The following ZNF215 variants were observed in gnomAD, a reference collection of about 807,000 sequenced individuals.
ZNF215 encodes BWSCR2-associated zinc finger protein 2.
ZNF215 carries 24 observed loss-of-function variants against 27.2 expected under a neutral mutation model. The observed-to-expected ratio is 0.88, with a 90% CI of 0.64 to 1.24. The LOEUF (loss-of-function observed/expected upper bound fraction) is 1.24. Among genes scored for constraint, ZNF215 ranks in the 50% most tolerant of loss-of-function variants. The pLI is 0.00. For missense variants in ZNF215, 675 were observed against 605.7 expected, an observed-to-expected ratio of 1.11 and a Z score of -1.20; for synonymous variants, 210 against 204.0, an observed-to-expected ratio of 1.03 and a Z score of -0.25.
At chr11:6,945,134 T>C (rs552844838) in intron 6 of ZNF215, among the ~76,000 whole-genome samples, 1 of 152,220 alleles carries the variant, frequency 6.6e-6, no homozygotes, top group Non-Finnish European at 1.5e-5. Flanking sequence ...ATTATCTCTT[T>C]ATCATCATCC....
chr11:6,942,946 TCAAA>T (rs1262077729), intron 4 of ZNF215, 133 bp from the exon 5 acceptor site: 7 of 1,338,034 alleles, frequency 5.2e-6, no homozygotes, highest in Non-Finnish European at 5.1e-6. Flanking sequence ...ACTTAGAACC[TCAAA>T]CATTGTCCTC....
intron 5 of ZNF215, among the ~76,000 whole-genome samples, chr11:6,971,739 G>T (rs1232001815): frequency 6.6e-6 from 1 of 152,070 alleles, no homozygotes; most frequent in Non-Finnish European, 1.5e-5. Flanking sequence ...GATACTATAA[G>T]TTCACACATT....
Position 6,955,623 on chromosome 11 carries a change from G to T in ZNF215, c.713-67G>T, listed in dbSNP as rs1196101743. On this transcript the variant is annotated intron_variant, in intron 6 of 6. Coordinates refer to ENST00000278319, the MANE Select transcript of ZNF215 (RefSeq NM_013250.4). ...GTGGTATATGCATATACCTTATACA[G>T]TTCAGCCTCCATTTCCTATTGAAGC... 6 of 1,509,376 alleles carry T rather than the reference G, an allele frequency of 4.0e-6. No individual in the cohort carries two copies. The African/African-American group carries it at 4.2e-5, about 11-fold the overall frequency. The allele number at this position is 1,509,376 out of a possible 1,614,324, so 93.5% of individuals were successfully genotyped here.
chr11:6,990,204 C>G (rs188594005), downstream of ZNF215, among the ~76,000 whole-genome samples: 744 of 152,258 alleles, frequency 4.9e-3, 27 homozygotes, highest in Admixed American at 0.043. Flanking sequence ...CCATGTGTAT[C>G]AGGCAGCAAG....
chr11:6,970,135 CAATT>C (rs796209736), intron 5 of ZNF215, among the ~76,000 whole-genome samples: 5 of 152,186 alleles, frequency 3.3e-5, no homozygotes, highest in African/African-American at 1.2e-4. Context: ...CTTGTTAAAA[CAATT>C]AAACCTCAAT....
intron 3 of ZNF215, among the ~76,000 whole-genome samples, chr11:6,940,343 C>A (rs1302591697): frequency 2.0e-5 from 3 of 152,196 alleles, no homozygotes; most frequent in African/African-American, 7.2e-5. Flanking sequence ...CTCATTCTGT[C>A]ACCAGGGCTG....
At chr11:6,950,994 G>A (rs1260306140) in intron 6 of ZNF215, among the ~76,000 whole-genome samples, 2 of 152,076 alleles carry the variant, frequency 1.3e-5, no homozygotes, top group Non-Finnish European at 2.9e-5. Flanking sequence ...AGATAATCAT[G>A]TGGTTTTTGT....
At chr11:6,941,227 C>G (rs578152341) in intron 3 of ZNF215, among the ~76,000 whole-genome samples, 2 of 152,258 alleles carry the variant, frequency 1.3e-5, no homozygotes, top group African/African-American at 4.8e-5. Flanking sequence ...AGAATTACAG[C>G]CTGTGATGGC....
chr11:6,951,931 G>C (rs553050276), intron 6 of ZNF215, among the ~76,000 whole-genome samples: 1 of 152,086 alleles, frequency 6.6e-6, no homozygotes, highest in East Asian at 1.9e-4. Flanking sequence ...CTGGTATGTT[G>C]TGTCTTTGTT....
At chr11:6,943,005 ATTCC>A in intron 4 of ZNF215, 74 bp from the exon 5 acceptor site, 2 of 1,551,922 alleles carry the variant, frequency 1.3e-6, no homozygotes, top group African/African-American at 1.4e-5. Context: ...CTCCTACCCT[ATTCC>A]TTCAAATCCA....
rs377556573 is a variant in ZNF215, at chr11:6,932,238, G to T, written c.-35G>T. On this transcript the variant is annotated 5_prime_UTR_variant, in exon 3 of 7. Transcript: ENST00000278319. ...GAGAATTACTGCAATCTAGTAAGGCGGATTTGAACTACTGTGGGAGTTCTA... is the reference window on the plus strand; with the variant it reads ...GAGAATTACTGCAATCTAGTAAGGCTGATTTGAACTACTGTGGGAGTTCTA... 150 of 1,593,850 alleles carry T rather than the reference G, an allele frequency of 9.4e-5. No homozygotes were observed. Among genetic ancestry groups the T allele is most frequent in the Non-Finnish European group, 1.3e-4 (148 of 1,169,950 alleles).
intron 5 of ZNF215, among the ~76,000 whole-genome samples, chr11:6,966,238 T>G (rs1387590156): frequency 6.6e-6 from 1 of 152,096 alleles, no homozygotes; most frequent in Non-Finnish European, 1.5e-5. Flanking sequence ...GCCATAATCC[T>G]AAGCAAATTA....
intron 4 of ZNF215, 148 bp from the exon 5 acceptor site, chr11:6,942,935 C>A: frequency 8.2e-7 from 1 of 1,221,926 alleles, no homozygotes; most frequent in Non-Finnish European, 1.1e-6. Context: ...TGATTTTCAT[C>A]ACTTAGAACC....
At chr11:6,954,145 C>T (rs570557656) in intron 6 of ZNF215, among the ~76,000 whole-genome samples, 11 of 152,164 alleles carry the variant, frequency 7.2e-5, no homozygotes, top group Non-Finnish European at 1.5e-4. Context: ...TCTGCCCCTA[C>T]TGGGGAGTGC....
At chr11:6,989,098 G>A (rs576654094), downstream of ZNF215, among the ~76,000 whole-genome samples, 1 of 139,632 alleles carries the variant, frequency 7.2e-6, no homozygotes, top group Non-Finnish European at 1.5e-5. Flanking sequence ...AGAGGTTGCA[G>A]TGAGCCCAGA....
chr11:6,973,478 T>C (rs1850765406), intron 5 of ZNF215, among the ~76,000 whole-genome samples: 2 of 152,334 alleles, frequency 1.3e-5, no homozygotes, highest in African/African-American at 4.8e-5. Flanking sequence ...CCACACTGTC[T>C]TCCACAATGG....
chr11:6,973,767 G>C (rs1850771724), intron 5 of ZNF215, among the ~76,000 whole-genome samples: 2 of 152,144 alleles, frequency 1.3e-5, no homozygotes, highest in Admixed American at 1.3e-4. Flanking sequence ...AAACTTGTTT[G>C]AGTTCTTTGT....
chr11:6,956,742 A>G lies in ZNF215; in HGVS notation c.*211A>G. The stretch of plus-strand genomic sequence containing the variant: ...TTCCTGGTTTTCAGATGAAGCCATA[A>G]GGCTTTGGAGTTAAACCACAGTATC... On this transcript the variant is annotated 3_prime_UTR_variant, in exon 7 of 7. Coordinates refer to ENST00000278319, the MANE Select transcript of ZNF215 (RefSeq NM_013250.4). 1 of 1,354,248 alleles carries G rather than the reference A, an allele frequency of 7.4e-7. No homozygotes were observed. The highest frequency in any genetic ancestry group is 9.4e-7 in the Non-Finnish European group (1 of 1,059,510). 83.9% of individuals were successfully genotyped at this position (1,354,248 alleles called of 1,614,324 possible). A position where few individuals can be genotyped will look rare whatever the true frequency, so the allele number is the denominator to read the frequency against.
At chr11:6,971,887 C>G (rs1157341736) in intron 5 of ZNF215, among the ~76,000 whole-genome samples, 1 of 152,104 alleles carries the variant, frequency 6.6e-6, no homozygotes, top group Non-Finnish European at 1.5e-5. Flanking sequence ...GCCATTGTCT[C>G]TTAGGAATAA....
Sources: gnomAD v4.1 joint callset for allele counts (sites outside exome capture counted in the v4.1 genomes callset) on GRCh38, gnomAD v4.1.1 for gene constraint, MANE v1.5 for transcripts, NCBI Gene and HGNC (gene_info 2026-07-23, HGNC 2026-07-21) for gene names.